The following KCNAB1 variants were observed in gnomAD, a reference collection of about 807,000 sequenced individuals.
The protein encoded by KCNAB1 is potassium voltage-gated channel subfamily A regulatory beta subunit 1.
KCNAB1 carries 35 observed loss-of-function variants against 64.6 expected under a neutral mutation model. The ratio of observed to expected loss-of-function variants is 0.54; its 90% CI spans 0.41 to 0.72. KCNAB1 has a LOEUF of 0.72. Among genes scored for constraint, KCNAB1 ranks in the 30% least tolerant of loss-of-function variants. KCNAB1 has a pLI of 0.00. For missense variants in KCNAB1, 401 were observed against 512.9 expected (o/e 0.78, Z 2.11); for synonymous variants, 177 against 183.8 (o/e 0.96, Z 0.30).
chr3:156,214,694 G>T (rs13099875), intron 1 of KCNAB1, among the ~76,000 whole-genome samples: 6 of 152,078 alleles, frequency 3.9e-5, no homozygotes, highest in Non-Finnish European at 7.4e-5. Context: ...GAAACCACCC[G>T]ACCGTATTCT....
At chr3:156,284,510 A>G (rs916276174) in intron 1 of KCNAB1, among the ~76,000 whole-genome samples, 29 of 152,248 alleles carry the variant, frequency 1.9e-4, no homozygotes, top group Non-Finnish European at 3.5e-4. Context: ...TTGAGCTTCC[A>G]GGCTGCTTTG....
intron 13 of KCNAB1, among the ~76,000 whole-genome samples, chr3:156,536,210 T>G (rs1038706219): frequency 6.6e-6 from 1 of 152,216 alleles, no homozygotes; most frequent in African/African-American, 2.4e-5. Context: ...CAAACAGAGA[T>G]GTGCTTTAAG....
At chr3:156,457,343 G>C in intron 3 of KCNAB1, 110 bp from the exon 4 acceptor site, 2 of 1,545,516 alleles carry the variant, frequency 1.3e-6, no homozygotes, top group Non-Finnish European at 1.7e-6. Flanking sequence ...GAAAAATAAG[G>C]AGTGGTTAGT....
chr3:156,386,736 C>T (rs1055465292), intron 1 of KCNAB1, among the ~76,000 whole-genome samples: 10 of 152,168 alleles, frequency 6.6e-5, no homozygotes, highest in Non-Finnish European at 1.0e-4. Context: ...TTTAAAGTCA[C>T]CTCACCTCAT....
intron 12 of KCNAB1, among the ~76,000 whole-genome samples, chr3:156,531,039 GTTAA>G (rs1718667905): frequency 6.6e-6 from 1 of 152,234 alleles, no homozygotes; most frequent in Non-Finnish European, 1.5e-5. Flanking sequence ...TGCATTGAGT[GTTAA>G]TTAAGAGACA....
In KCNAB1 at chr3:156,247,780, G is replaced by A. The variant is rs7652777; in HGVS notation, c.275+126894G>A. The stretch of plus-strand genomic sequence containing the variant: ...AGGGTTCGCCATGTTGCCCAGGCTG[G>A]CCTTGAACTCCTGGGATCAAGTGAT... On this transcript the variant is annotated intron_variant, in intron 1 of 13. Coordinates refer to ENST00000490337, the MANE Select transcript of KCNAB1 (RefSeq NM_172160.3). Among the ~76,000 whole-genome samples the A allele has an allele frequency of 5.1e-3, 769 of 152,198 alleles. 10 individuals are homozygous for A. The highest frequency in any genetic ancestry group is 0.018 in the African/African-American group (731 of 41,524).
intron 1 of KCNAB1, among the ~76,000 whole-genome samples, chr3:156,123,576 G>T (rs1435192861): frequency 7.9e-5 from 12 of 152,210 alleles, no homozygotes; most frequent in Admixed American, 7.9e-4. Flanking sequence ...GTGGTAAGTA[G>T]TTCTGACTCC....
At position 156,174,807 on chromosome 3, in the gene KCNAB1, A is replaced by G. The variant is rs139099892; in HGVS notation, c.275+53921A>G. ...CACCAACGCAGGGGTCTAAAAAGGT[A>G]CCAGGAAGACTGGGCTTGGGCTGCC... is the stretch of plus-strand genomic sequence containing the variant. On this transcript the variant is annotated intron_variant, in intron 1 of 13. Transcript: ENST00000490337. Among the ~76,000 whole-genome samples the G allele has an allele frequency of 1.3e-3, 198 of 152,302 alleles. No homozygotes were observed. In the South Asian group the frequency reaches 0.016, roughly 12 times the overall value.
At chr3:156,146,311 A>C (rs146174660) in intron 1 of KCNAB1, among the ~76,000 whole-genome samples, 1 of 152,332 alleles carries the variant, frequency 6.6e-6, no homozygotes, top group Non-Finnish European at 1.5e-5. Flanking sequence ...ATCAGTGACT[A>C]TAAAATGGTT....
chr3:156,463,510 C>G (rs1025299803), intron 5 of KCNAB1, among the ~76,000 whole-genome samples, 192 bp from the exon 6 acceptor site: 4 of 152,162 alleles, frequency 2.6e-5, no homozygotes, highest in African/African-American at 9.7e-5. Context: ...TAGGATCCGA[C>G]TTTGAGTCCC....
At chr3:156,272,267 C>A (rs561588052) in intron 1 of KCNAB1, among the ~76,000 whole-genome samples, 1 of 152,356 alleles carries the variant, frequency 6.6e-6, no homozygotes, top group East Asian at 1.9e-4. Flanking sequence ...CAAAGCCAGG[C>A]AGTTTTTTGT....
chr3:156,309,696 G>A (rs1721754290), intron 1 of KCNAB1, among the ~76,000 whole-genome samples: 1 of 152,188 alleles, frequency 6.6e-6, no homozygotes, highest in South Asian at 2.1e-4. Context: ...CACAATCTTT[G>A]TGATCAGCAT....
At chr3:156,150,934 T>C (rs1715367407) in intron 1 of KCNAB1, among the ~76,000 whole-genome samples, 1 of 152,226 alleles carries the variant, frequency 6.6e-6, no homozygotes, top group Non-Finnish European at 1.5e-5. Context: ...AAATTTTCTA[T>C]GTCTGGGAGT....
chr3:156,188,495 G>T lies in KCNAB1; in HGVS notation c.275+67609G>T, dbSNP rs60201559. 4.5e-3 allele frequency among the ~76,000 whole-genome samples: 683 copies of T among 152,196 alleles called. 5 individuals carry two copies. The highest frequency in any genetic ancestry group is 0.016 in the African/African-American group (647 of 41,536). The stretch of plus-strand genomic sequence containing the variant: ...AAAATTGATTCTTCTGATTTCAAAA[G>T]AAATGCATGCTCATGTAAATAAAAA... On this transcript the variant is annotated intron_variant, in intron 1 of 13. Coordinates refer to ENST00000490337, the MANE Select transcript of KCNAB1 (RefSeq NM_172160.3).
At chr3:156,477,917 G>T (rs987153445) in intron 8 of KCNAB1, among the ~76,000 whole-genome samples, 57 of 152,232 alleles carry the variant, frequency 3.7e-4, no homozygotes, top group African/African-American at 1.3e-3. Context: ...CAACAATTTT[G>T]TAACTCATAC....
At chr3:156,187,368 C>A (rs935435723) in intron 1 of KCNAB1, among the ~76,000 whole-genome samples, 2 of 152,228 alleles carry the variant, frequency 1.3e-5, no homozygotes, top group African/African-American at 4.8e-5. Context: ...TTCTGACTGC[C>A]ACATCCATAT....
At chr3:156,308,475 G>A (rs1721665932) in intron 1 of KCNAB1, among the ~76,000 whole-genome samples, 1 of 152,218 alleles carries the variant, frequency 6.6e-6, no homozygotes, top group Admixed American at 6.5e-5. Flanking sequence ...ACAGTGTGTA[G>A]TCAGTTCATG....
chr3:156,307,061 A>G (rs1721537211), intron 1 of KCNAB1, among the ~76,000 whole-genome samples: 1 of 152,216 alleles, frequency 6.6e-6, no homozygotes, highest in South Asian at 2.1e-4. Flanking sequence ...AATTAAGTTA[A>G]TTCATAGAAA....
chr3:156,534,601 A>G (rs969036343), intron 13 of KCNAB1, among the ~76,000 whole-genome samples: 4 of 152,170 alleles, frequency 2.6e-5, no homozygotes, highest in Admixed American at 6.5e-5. Context: ...CTTCGGCGAT[A>G]ACAGTGGCCC....
Sources: allele counts gnomAD v4.1 joint callset (sites outside exome capture counted in the v4.1 genomes callset), GRCh38; gene constraint gnomAD v4.1.1; transcripts MANE v1.5; gene names NCBI Gene and HGNC (gene_info 2026-07-23, HGNC 2026-07-21).